The following AKAP19 variants were observed in gnomAD, a reference collection of about 807,000 sequenced individuals.
AKAP19 encodes the protein small A-kinase anchoring protein.
the AKAP19 span, among the ~76,000 whole-genome samples, chr2:190,063,747 G>A: frequency 6.6e-6 from 1 of 152,088 alleles, no homozygotes; most frequent in South Asian, 2.1e-4. Flanking sequence ...TTTGACCAGA[G>A]GGCAGACACC....
At chr2:189,958,149 G>A in the AKAP19 span, among the ~76,000 whole-genome samples, 4 of 152,154 alleles carry the variant, frequency 2.6e-5, no homozygotes, top group Admixed American at 1.3e-4. Context: ...CAAAGGATTA[G>A]TGTCTTGAAC....
the AKAP19 span, among the ~76,000 whole-genome samples, chr2:189,951,723 G>T: frequency 1.3e-5 from 2 of 152,098 alleles, no homozygotes; most frequent in Non-Finnish European, 2.9e-5. Flanking sequence ...GCTCATCTTC[G>T]TTTTAGAATA....
the AKAP19 span, among the ~76,000 whole-genome samples, chr2:190,190,320 T>A: frequency 2.0e-5 from 3 of 152,210 alleles, no homozygotes; most frequent in Non-Finnish European, 4.4e-5. Context: ...ATATGATCCA[T>A]CTTTTTTATC....
the AKAP19 span, among the ~76,000 whole-genome samples, chr2:190,081,598 G>A: frequency 0.76 from 115,973 of 152,074 alleles, 44,629 homozygotes; most frequent in South Asian, 0.85. Context: ...GTCAATTTGC[G>A]TGCCTTTTTT....
the AKAP19 span, among the ~76,000 whole-genome samples, chr2:190,081,813 G>A: frequency 2.0e-5 from 3 of 151,958 alleles, no homozygotes; most frequent in African/African-American, 7.3e-5. Context: ...TGGTATAGTA[G>A]GTAAAAATAA....
the AKAP19 span, among the ~76,000 whole-genome samples, chr2:190,049,321 G>A: frequency 6.6e-6 from 1 of 152,036 alleles, no homozygotes; most frequent in African/African-American, 2.4e-5. Flanking sequence ...TAAAATAAGA[G>A]AAATGCAATG....
chr2:190,057,105 A>G, the AKAP19 span: 1 of 737,574 alleles, frequency 1.4e-6, no homozygotes, highest in Non-Finnish European at 2.2e-6. Context: ...CATTGCATAT[A>G]TTCCCCCTTT....
chr2:190,167,508 G>C, the AKAP19 span, among the ~76,000 whole-genome samples: 8 of 152,138 alleles, frequency 5.3e-5, no homozygotes, highest in African/African-American at 2.4e-5. Flanking sequence ...CATTAATTCA[G>C]AAGTCCACAG....
chr2:190,037,757 G>C, the AKAP19 span, among the ~76,000 whole-genome samples: 1 of 152,144 alleles, frequency 6.6e-6, no homozygotes, highest in Non-Finnish European at 1.5e-5. Context: ...GTCTACCGGG[G>C]TTCAATTATA....
At chr2:190,145,698 T>C in the AKAP19 span, among the ~76,000 whole-genome samples, 9,076 of 152,156 alleles carry the variant, frequency 0.06, 334 homozygotes, top group Middle Eastern at 0.11. Context: ...TCTAACTAGG[T>C]TTGTGTAGAT....
chr2:190,104,956 A>C, the AKAP19 span, among the ~76,000 whole-genome samples: 1 of 152,362 alleles, frequency 6.6e-6, no homozygotes, highest in South Asian at 2.1e-4. Context: ...CATGCCAATC[A>C]GAATGGCTAT....
chr2:190,032,402 C>T, the AKAP19 span, among the ~76,000 whole-genome samples: 1 of 152,116 alleles, frequency 6.6e-6, no homozygotes, highest in Non-Finnish European at 1.5e-5. Flanking sequence ...TCATTATGAC[C>T]TGACAGGTGT....
At chr2:189,986,102 G>A in the AKAP19 span, among the ~76,000 whole-genome samples, 211 of 152,250 alleles carry the variant, frequency 1.4e-3, 2 homozygotes, top group African/African-American at 4.8e-3. Flanking sequence ...AGGAATTTGC[G>A]GGTGTGGTAT....
At chr2:190,137,378 A>G in the AKAP19 span, among the ~76,000 whole-genome samples, 107 of 152,352 alleles carry the variant, frequency 7.0e-4, no homozygotes, top group Admixed American at 2.1e-3. Flanking sequence ...CTTTTTGTGA[A>G]CCAAAAAAAG....
the AKAP19 span, among the ~76,000 whole-genome samples, chr2:189,996,349 C>T: frequency 1.3e-5 from 2 of 152,114 alleles, no homozygotes; most frequent in African/African-American, 4.8e-5. Context: ...TCCCTTTAAG[C>T]TCTGAAGTTC....
the AKAP19 span, among the ~76,000 whole-genome samples, chr2:190,021,862 A>G: frequency 1.3e-5 from 2 of 152,170 alleles, no homozygotes; most frequent in South Asian, 4.1e-4. Flanking sequence ...GAAGGTGGAT[A>G]GTTTATAAAA....
At chr2:190,001,079 TAC>T in the AKAP19 span, among the ~76,000 whole-genome samples, 1 of 152,214 alleles carries the variant, frequency 6.6e-6, no homozygotes, top group Non-Finnish European at 1.5e-5. Flanking sequence ...GTGGTTCTTC[TAC>T]CATCTTGAAT....
At chr2:189,911,075 A>T in the AKAP19 span, among the ~76,000 whole-genome samples, 2 of 152,054 alleles carry the variant, frequency 1.3e-5, no homozygotes, top group Non-Finnish European at 2.9e-5. Context: ...ATGAGGAAGA[A>T]TTTTACTCCA....
At chr2:190,071,715 T>G in the AKAP19 span, among the ~76,000 whole-genome samples, 2 of 152,132 alleles carry the variant, frequency 1.3e-5, no homozygotes, top group Admixed American at 6.5e-5. Context: ...TATAAATCTT[T>G]GTAAAATTAA....
Sources: gnomAD v4.1 joint callset for allele counts (sites outside exome capture counted in the v4.1 genomes callset) on GRCh38, gnomAD v4.1.1 for gene constraint, MANE v1.5 for transcripts, NCBI Gene and HGNC (gene_info 2026-07-23, HGNC 2026-07-21) for gene names.